AASDH: variants seen among roughly 807,000 people sequenced by gnomAD.
The protein encoded by AASDH is aminoadipate-semialdehyde dehydrogenase.
AASDH carries 81 observed loss-of-function variants against 102.3 expected under a neutral mutation model. The observed-to-expected ratio is 0.79, with a 90% CI of 0.66 to 0.95. The LOEUF (loss-of-function observed/expected upper bound fraction) is 0.95. Ranked by LOEUF, AASDH falls within the 40% of genes least tolerant of loss-of-function variation. AASDH has a pLI of 0.00. For synonymous variants in AASDH, 398 were observed against 454.0 expected, an observed-to-expected ratio of 0.88 and a Z score of 1.57; for missense variants, 1,203 against 1,266.2, an observed-to-expected ratio of 0.95 and a Z score of 0.76.
intron 5 of AASDH, among the ~76,000 whole-genome samples, chr4:56,362,824 G>A (rs1294539805): frequency 6.6e-6 from 1 of 152,130 alleles, no homozygotes; most frequent in African/African-American, 2.4e-5. Flanking sequence ...GCAGAAGACG[G>A]GTGATTTCTG....
intron 12 of AASDH, 98 bp downstream of exon 12, chr4:56,345,029 C>T (rs971987159): frequency 9.7e-6 from 13 of 1,338,820 alleles, no homozygotes; most frequent in South Asian, 7.0e-5. Context: ...GCAACCTCCA[C>T]CTCCCAGGTT....
intron 6 of AASDH, 61 bp from the exon 7 acceptor site, chr4:56,354,872 T>A: frequency 1.5e-6 from 2 of 1,326,246 alleles, no homozygotes; most frequent in East Asian, 4.8e-5. Context: ...TATTTTCCAA[T>A]ATATTTAAAT....
chr4:56,378,338 C>A lies in AASDH; in HGVS notation c.478G>T (p.Glu160Ter), dbSNP rs1553933621. The A allele has an allele frequency of 6.2e-7, 1 of 1,614,018 alleles. No individual in the cohort carries two copies. Among genetic ancestry groups the A allele is most frequent in the African/African-American group, 1.3e-5 (1 of 75,016 alleles). The change falls in exon 4 of 15, where the codon GAG becomes TAG. Residue 160 changes from glutamate (E) to a stop codon, truncating the protein, a stop_gained. Coordinates refer to ENST00000205214, the MANE Select transcript of AASDH (RefSeq NM_181806.4). LOFTEE classifies it high-confidence loss of function. ...TTTATTTTTTCTTTTTCATATTTCT[C>A]TTTTCCATCATTTAGCATCAAGTTC... ...EVNLMLNDGKEKYEKEKIKSI... is the reference protein window; with the variant it reads ...EVNLMLNDGK
In AASDH at chr4:56,378,327, T is replaced by C; in HGVS notation, c.489A>G (p.Glu163=). ...AACTTATGCTTTTTATTTTTTCTTT[T>C]TCATATTTCTCTTTTCCATCATTTA... is the stretch of plus-strand genomic sequence containing the variant. ...LMLNDGKEKY[E]KEKIKSISSE... Residue 163 remains glutamate, a synonymous_variant, in exon 4 of 15, where the codon GAA becomes GAG. Coordinates refer to ENST00000205214, the MANE Select transcript of AASDH (RefSeq NM_181806.4). The C allele has an allele frequency of 6.2e-7, 1 of 1,614,160 alleles. No individual in the cohort carries two copies. Among genetic ancestry groups the C allele is most frequent in the South Asian group, 1.1e-5 (1 of 91,074 alleles).
chr4:56,356,574 G>T, intron 5 of AASDH: 1 of 752,318 alleles, frequency 1.3e-6, no homozygotes, highest in Non-Finnish European at 2.4e-6. Flanking sequence ...CACCTTGGTG[G>T]AGAACAAAGA....
Position 56,350,209 on chromosome 4 carries a change from C to T in AASDH, c.1693-151G>A, listed in dbSNP as rs943900420. The T allele has an allele frequency of 6.4e-5, 48 of 747,702 alleles. 2 individuals are homozygous for T. The South Asian group carries it at 9.4e-4, about 15-fold the overall frequency. 46.3% of individuals were successfully genotyped at this position (747,702 alleles called of 1,614,324 possible). On this transcript the variant is annotated intron_variant, in intron 10 of 14. Transcript: ENST00000205214. ...GTGGCTCACGCCTGTAATCCCAGTACTCTGGGAGGCCAAGGCGGGCAGATC... is the reference window on the plus strand; with the variant it reads ...GTGGCTCACGCCTGTAATCCCAGTATTCTGGGAGGCCAAGGCGGGCAGATC...
intron 11 of AASDH, among the ~76,000 whole-genome samples, chr4:56,346,853 G>C (rs1351754701): frequency 6.6e-6 from 1 of 151,804 alleles, no homozygotes; most frequent in Non-Finnish European, 1.5e-5. Context: ...GACCAGCGTG[G>C]ACAACACACA....
intron 4 of AASDH, 127 bp downstream of exon 4, chr4:56,378,021 A>C (rs1252381644): frequency 1.1e-6 from 1 of 875,900 alleles, no homozygotes; most frequent in African/African-American, 1.7e-5. Context: ...GGCCAGGCTG[A>C]TCTTGAACTC....
intron 1 of AASDH, among the ~76,000 whole-genome samples, chr4:56,385,347 A>G (rs375115530): frequency 1.4e-4 from 21 of 152,340 alleles, no homozygotes; most frequent in African/African-American, 3.6e-4. Flanking sequence ...TAAATTGCCA[A>G]TAAGTTCACT....
intron 5 of AASDH, among the ~76,000 whole-genome samples, chr4:56,364,290 C>A (rs1750706460): frequency 6.6e-6 from 1 of 152,104 alleles, no homozygotes; most frequent in South Asian, 2.1e-4. Flanking sequence ...TTGGAAAACA[C>A]TCTGCAGGAT....
At position 56,378,348 on chromosome 4, in the gene AASDH, A is replaced by T. The variant is rs779515983; in HGVS notation, c.468T>A (p.Asn156Lys). ...WKNTEVNLML[N>K]DGKEKYEKEK... ...CTTTTTCATATTTCTCTTTTCCATC[A>T]TTTAGCATCAAGTTCACCTCAGTAT... Residue 156 changes from asparagine to lysine, a missense_variant, in exon 4 of 15, where the codon AAT becomes AAA. Coordinates refer to ENST00000205214, the MANE Select transcript of AASDH (RefSeq NM_181806.4). 6.2e-7 allele frequency: 1 copy of T among 1,613,894 alleles called. No individual in the cohort carries two copies. Among genetic ancestry groups the T allele is most frequent in the South Asian group, 1.1e-5 (1 of 91,064 alleles).
At chr4:56,361,484 G>A (rs1000366100) in intron 5 of AASDH, among the ~76,000 whole-genome samples, 7 of 151,856 alleles carry the variant, frequency 4.6e-5, no homozygotes, top group African/African-American at 7.3e-5. Context: ...TAAATTGAGG[G>A]GCAGAATACA....
rs766883165 is a variant in AASDH at position 56,378,513 on chromosome 4, ATTC to A, written c.352-52_352-50del. 6 of 1,373,252 alleles carry A rather than the reference ATTC, an allele frequency of 4.4e-6. No individual in the cohort carries two copies. The South Asian group carries it at 4.4e-5, about 10-fold the overall frequency. The allele number at this position is 1,373,252 out of a possible 1,614,324, so 85.1% of individuals were successfully genotyped here. A position where few individuals can be genotyped will look rare whatever the true frequency, so the allele number is the denominator to read the frequency against. Reference sequence around the variant, plus strand: ...TTACAGTATTAGTATGTTAAAAGATATTCTTCTTTATATAGAAGTAATATGAAA... The same window carrying A: ...TTACAGTATTAGTATGTTAAAAGATATTCTTTATATAGAAGTAATATGAAA... On this transcript the variant is annotated intron_variant, in intron 3 of 14. Transcript: ENST00000205214.
intron 5 of AASDH, among the ~76,000 whole-genome samples, chr4:56,366,197 A>G (rs909786875): frequency 2.6e-5 from 4 of 152,336 alleles, no homozygotes; most frequent in African/African-American, 9.6e-5. Context: ...GTATAGACCA[A>G]TAACAGGCTC....
At chr4:56,384,973 G>A (rs76621317) in intron 1 of AASDH, among the ~76,000 whole-genome samples, 1 of 152,112 alleles carries the variant, frequency 6.6e-6, no homozygotes, top group Non-Finnish European at 1.5e-5. Flanking sequence ...ACTCTGGAGG[G>A]TGAGGCAGGC....
At chr4:56,365,463 T>C (rs923531005) in intron 5 of AASDH, among the ~76,000 whole-genome samples, 46 of 152,134 alleles carry the variant, frequency 3.0e-4, no homozygotes, top group Admixed American at 6.5e-4. Flanking sequence ...GACCAAATAG[T>C]TGGAAGTAAA....
chr4:56,354,102 C>CA lies in AASDH; in HGVS notation c.1319dup (p.Leu440PhefsTer16), dbSNP rs770970036. The CA allele has an allele frequency of 5.0e-4, 747 of 1,494,558 alleles. No individual in the cohort carries two copies. The highest frequency in any genetic ancestry group is 1.7e-3 in the South Asian group (132 of 79,276). 92.6% of individuals were successfully genotyped at this position (1,494,558 alleles called of 1,614,324 possible). On this transcript the variant is annotated frameshift_variant, in exon 8 of 15. Coordinates refer to ENST00000205214, the MANE Select transcript of AASDH (RefSeq NM_181806.4). LOFTEE classifies it high-confidence loss of function. ...GTTTGATCTGACTGTCTTTTCGTCC[C>CA]AAAAAAAAAATCTCTCCATCTTTCA... is the stretch of plus-strand genomic sequence containing the variant.
At chr4:56,349,026 A>G in intron 11 of AASDH, 1 of 523,302 alleles carries the variant, frequency 1.9e-6, no homozygotes, top group Non-Finnish European at 3.3e-6. Context: ...TGAAATTCTA[A>G]GAGGTTCAGT....
At chr4:56,351,045 C>T (rs1293893506) in intron 10 of AASDH, among the ~76,000 whole-genome samples, 2 of 152,182 alleles carry the variant, frequency 1.3e-5, no homozygotes, top group African/African-American at 4.8e-5. Context: ...AAGAGTGTTA[C>T]TACATTCCAC....
Sources: gnomAD v4.1 joint callset for allele counts (sites outside exome capture counted in the v4.1 genomes callset) on GRCh38, gnomAD v4.1.1 for gene constraint, MANE v1.5 for transcripts, NCBI Gene and HGNC (gene_info 2026-07-23, HGNC 2026-07-21) for gene names.